The following IQGAP3 variants were observed in gnomAD, a reference collection of about 807,000 sequenced individuals.
IQGAP3 encodes the protein ras GTPase-activating-like protein IQGAP3.
In IQGAP3, 165 loss-of-function variants were observed where a neutral mutation model predicts 208.2. That is an observed-to-expected ratio of 0.79 (90% CI 0.70 to 0.90). The LOEUF (loss-of-function observed/expected upper bound fraction) is 0.90, where lower values mean the gene tolerates loss of function less well. IQGAP3 is among the 40% of genes least tolerant of loss of function. IQGAP3 has a pLI of 0.00. For synonymous variants in IQGAP3, 703 were observed against 803.6 expected, an observed-to-expected ratio of 0.87 and a Z score of 2.12; for missense variants, 1,811 against 2,043.1, an observed-to-expected ratio of 0.89 and a Z score of 2.19.
intron 24 of IQGAP3, 138 bp from the exon 25 acceptor site, chr1:156,539,675 C>T: frequency 8.4e-7 from 1 of 1,190,410 alleles, no homozygotes; most frequent in Non-Finnish European, 1.2e-6. Flanking sequence ...TAGTAACATT[C>T]CAGACAAACA....
chr1:156,549,458 A>C (rs1240995687), intron 16 of IQGAP3, among the ~76,000 whole-genome samples: 1 of 146,346 alleles, frequency 6.8e-6, no homozygotes, highest in East Asian at 2.0e-4. Flanking sequence ...GTGACAGAGC[A>C]ACACTCTGTC....
At chr1:156,547,629 C>A (rs1174806670) in intron 19 of IQGAP3, among the ~76,000 whole-genome samples, 1 of 152,190 alleles carries the variant, frequency 6.6e-6, no homozygotes, top group Non-Finnish European at 1.5e-5. Flanking sequence ...AATCTTATTT[C>A]ACTCTTCCCT....
chr1:156,560,969 G>A lies in IQGAP3; in HGVS notation c.1094C>T (p.Ala365Val). The A allele has an allele frequency of 6.2e-7, 1 of 1,613,876 alleles. No homozygotes were observed. The highest frequency in any genetic ancestry group is 8.5e-7 in the Non-Finnish European group (1 of 1,179,886). ...LEKEEVQAGVAAANTKGDQEQ... is the reference protein window; with the variant it reads ...LEKEEVQAGVVAANTKGDQEQ... ...CTGATCACCCTTTGTGTTGGCTGCA[G>A]CCACACCAGCCTGGACTTCCTCCTT... The change falls in exon 11 of 38, where the codon GCT (alanine) becomes GTT (valine). Residue 365 changes from alanine (A) to valine (V), a missense_variant. Coordinates refer to ENST00000361170, the MANE Select transcript of IQGAP3 (RefSeq NM_178229.5).
At chr1:156,545,503 C>CTTTT (rs34641885) in intron 19 of IQGAP3, among the ~76,000 whole-genome samples, 2 of 142,500 alleles carry the variant, frequency 1.4e-5, no homozygotes, top group Non-Finnish European at 1.5e-5. Context: ...TACTTCCTGT[C>CTTTT]TTTTTTTTTT....
At chr1:156,569,306 C>T (rs919940694) in intron 2 of IQGAP3, 70 bp downstream of exon 2, 17 of 950,852 alleles carry the variant, frequency 1.8e-5, no homozygotes, top group East Asian at 5.0e-5. Context: ...TTTGCTTTAG[C>T]GGCAGATGCC....
Position 156,551,732 on chromosome 1 carries a change from AAGG to A in IQGAP3, c.1704_1706del (p.Leu569del). Reference sequence around the variant, plus strand: ...GGGCCTTCTGCCTTTTGGCTGCCACAAGGAGGAGATGGTACCGAGGGGCGACAG... The same window carrying A: ...GGGCCTTCTGCCTTTTGGCTGCCACAAGGAGATGGTACCGAGGGGCGACAG... On this transcript the variant is annotated inframe_deletion, in exon 15 of 38. Transcript: ENST00000361170. 1 of 1,612,834 alleles carries A rather than the reference AAGG, an allele frequency of 6.2e-7. No individual in the cohort carries two copies. Among genetic ancestry groups the A allele is most frequent in the Non-Finnish European group, 8.5e-7 (1 of 1,179,666 alleles).
chr1:156,555,369 T>A (rs112092266), intron 12 of IQGAP3, among the ~76,000 whole-genome samples: 1 of 152,138 alleles, frequency 6.6e-6, no homozygotes, highest in Admixed American at 6.6e-5. Context: ...ATTTCAGGCA[T>A]GTGCCACCAC....
intron 33 of IQGAP3, among the ~76,000 whole-genome samples, 186 bp downstream of exon 33, chr1:156,530,974 A>G (rs1478076129): frequency 6.6e-6 from 1 of 152,148 alleles, no homozygotes; most frequent in Non-Finnish European, 1.5e-5. Context: ...CTGTAGCCCG[A>G]GGCTTCCCAA....
At chr1:156,568,956 TG>T (rs1347973405) in intron 2 of IQGAP3, among the ~76,000 whole-genome samples, 6 of 152,054 alleles carry the variant, frequency 3.9e-5, no homozygotes, top group Non-Finnish European at 7.4e-5. Context: ...AAAAAGGAGA[TG>T]GGCTGCTCTG....
chr1:156,554,430 G>GT, intron 12 of IQGAP3, 38 bp from the exon 13 acceptor site: 1 of 1,561,626 alleles, frequency 6.4e-7, no homozygotes, highest in Non-Finnish European at 8.6e-7. Flanking sequence ...AAGTGGGCAG[G>GT]TGAAGGGTCT....
At chr1:156,553,860 C>T (rs1393635615) in intron 13 of IQGAP3, among the ~76,000 whole-genome samples, 6 of 152,300 alleles carry the variant, frequency 3.9e-5, no homozygotes, top group African/African-American at 9.6e-5. Flanking sequence ...GGATTACAGG[C>T]GTGAGCCACT....
chr1:156,547,286 T>C (rs1675290736), intron 19 of IQGAP3, among the ~76,000 whole-genome samples: 2 of 152,010 alleles, frequency 1.3e-5, no homozygotes, highest in African/African-American at 4.8e-5. Context: ...TAAAGGATAT[T>C]CCACCCCTTT....
In IQGAP3 at chr1:156,548,214, A is replaced by G; in HGVS notation, c.2163T>C (p.Tyr721=). 3.7e-6 allele frequency: 6 copies of G among 1,614,146 alleles called. No homozygotes were observed. Among genetic ancestry groups the G allele is most frequent in the Non-Finnish European group, 5.1e-6 (6 of 1,179,992 alleles). The part of the protein sequence containing the change: ...QSAVTKVTAA[Y]DRQQLWKANV... The stretch of plus-strand genomic sequence containing the variant: ...TGGCTTTCCAGAGCTGTTGGCGGTC[A>G]TAGGCAGCAGTGACCTTGGTGACAG... Residue 721 remains tyrosine, a synonymous_variant, in exon 19 of 38, where the codon TAT becomes TAC. Coordinates refer to ENST00000361170, the MANE Select transcript of IQGAP3 (RefSeq NM_178229.5).
chr1:156,528,459 A>C, intron 36 of IQGAP3, 50 bp downstream of exon 36: 1 of 1,370,724 alleles, frequency 7.3e-7, no homozygotes, highest in Non-Finnish European at 1.0e-6. Flanking sequence ...CTCCACCCCC[A>C]GGTTAGAGGA....
At chr1:156,563,687 C>T in intron 6 of IQGAP3, 21 bp from the exon 7 acceptor site, 4 of 1,609,706 alleles carry the variant, frequency 2.5e-6, no homozygotes, top group Middle Eastern at 1.7e-4. Flanking sequence ...GCCACAGGTG[C>T]CCTTCATCAG....
rs149926352 is a variant in IQGAP3, at chr1:156,563,785, A to G, written c.477T>C (p.His159=). 1.4e-5 allele frequency: 22 copies of G among 1,613,862 alleles called. No individual in the cohort carries two copies. In the African/African-American group the frequency reaches 2.3e-4, roughly 17 times the overall value. Residue 159 remains histidine (H), a synonymous_variant, in exon 6 of 38, where the codon CAT becomes CAC. Coordinates refer to ENST00000361170, the MANE Select transcript of IQGAP3 (RefSeq NM_178229.5). The stretch of plus-strand genomic sequence containing the variant: ...TGAATTTCACTTTCCCGTATAGATC[A>G]TGTATCTGAGGGGCCAATCCCAGCC... ...LFRLGLAPQI[H]DLYGKVKFTA...
In IQGAP3 at chr1:156,548,362, G is replaced by A. The variant is rs146928547; in HGVS notation, c.2119C>T (p.Arg707Trp). The stretch of plus-strand genomic sequence containing the variant: ...GCTCTGCCAACCTGGATCTCCTCCC[G>A]GGTCAGGTGAGAGGTGTTGAGGGGG... ...GCPLNTSHLT[R>W]EEIQSAVTKV... The change falls in exon 18 of 38, where the codon CGG (arginine) becomes TGG (tryptophan). Residue 707 changes from arginine to tryptophan, a missense_variant. Coordinates refer to ENST00000361170, the MANE Select transcript of IQGAP3 (RefSeq NM_178229.5). 885 of 1,613,654 alleles carry A rather than the reference G, an allele frequency of 5.5e-4. No homozygotes were observed. Among genetic ancestry groups the A allele is most frequent in the Non-Finnish European group, 6.7e-4 (794 of 1,179,854 alleles).
chr1:156,556,440 A>G, intron 12 of IQGAP3, 93 bp downstream of exon 12: 2 of 1,218,288 alleles, frequency 1.6e-6, no homozygotes, highest in Non-Finnish European at 2.4e-6. Flanking sequence ...AGCATCTCAT[A>G]TCGCACTCAC....
At chr1:156,538,749 A>C (rs2102377820) in intron 26 of IQGAP3, 60 bp downstream of exon 26, 3 of 1,452,726 alleles carry the variant, frequency 2.1e-6, no homozygotes, top group Non-Finnish European at 2.9e-6. Context: ...AGGGTCCAAG[A>C]CACAGCTGAT....
Sources: gnomAD v4.1 joint callset for allele counts (sites outside exome capture counted in the v4.1 genomes callset) on GRCh38, gnomAD v4.1.1 for gene constraint, MANE v1.5 for transcripts, NCBI Gene and HGNC (gene_info 2026-07-23, HGNC 2026-07-21) for gene names.